AFG2A: variants seen among roughly 807,000 people sequenced by gnomAD.
The protein encoded by AFG2A is AAA ATPase AFG2A.
At chr4:123,124,075 T>G in the AFG2A span, among the ~76,000 whole-genome samples, 2 of 151,540 alleles carry the variant, frequency 1.3e-5, no homozygotes, top group East Asian at 3.9e-4. Context: ...TGGAAGACAG[T>G]GTGGCAATTC....
At chr4:123,251,330 T>A in the AFG2A span, among the ~76,000 whole-genome samples, 1 of 152,174 alleles carries the variant, frequency 6.6e-6, no homozygotes, top group Non-Finnish European at 1.5e-5. Flanking sequence ...TAGTAGATGC[T>A]TAATAATTTT....
At chr4:123,068,121 G>C in the AFG2A span, among the ~76,000 whole-genome samples, 1 of 152,142 alleles carries the variant, frequency 6.6e-6, no homozygotes, top group Admixed American at 6.5e-5. Flanking sequence ...ATGTCTAGCA[G>C]ATAATAAAGT....
chr4:123,157,034 G>A, the AFG2A span, among the ~76,000 whole-genome samples: 1 of 149,044 alleles, frequency 6.7e-6, no homozygotes, highest in Non-Finnish European at 1.5e-5. Context: ...TTTCTTTTTT[G>A]AGACAGAGTC....
the AFG2A span, among the ~76,000 whole-genome samples, chr4:123,291,359 C>G: frequency 2.6e-5 from 4 of 152,094 alleles, no homozygotes; most frequent in Admixed American, 2.6e-4. Flanking sequence ...TTCTAATGAT[C>G]ATTTTGATTG....
At chr4:123,189,480 T>A in the AFG2A span, among the ~76,000 whole-genome samples, 940 of 151,416 alleles carry the variant, frequency 6.2e-3, 11 homozygotes, top group African/African-American at 0.021. Context: ...CTCTTCCAAC[T>A]TAGTTGAAAC....
chr4:123,263,960 A>T, the AFG2A span, among the ~76,000 whole-genome samples: 1 of 152,216 alleles, frequency 6.6e-6, no homozygotes, highest in Non-Finnish European at 1.5e-5. Context: ...AACCAGCCCA[A>T]ATGCCCATCA....
At chr4:123,204,989 A>G in the AFG2A span, among the ~76,000 whole-genome samples, 1 of 152,340 alleles carries the variant, frequency 6.6e-6, no homozygotes, top group African/African-American at 2.4e-5. Context: ...GAGAGTGGGT[A>G]GTTAAATATT....
chr4:123,130,169 A>G, the AFG2A span, among the ~76,000 whole-genome samples: 1 of 114,282 alleles, frequency 8.8e-6, no homozygotes, highest in East Asian at 3.8e-4. Flanking sequence ...CACAGTTCCC[A>G]GCTAATATAT....
chr4:123,313,940 A>T, the AFG2A span: 3 of 1,612,384 alleles, frequency 1.9e-6, no homozygotes, highest in Non-Finnish European at 2.5e-6. Flanking sequence ...GAAGACATTC[A>T]AGCCAATCTC....
chr4:122,933,505 A>G, the AFG2A span: 4 of 1,606,064 alleles, frequency 2.5e-6, no homozygotes, highest in Non-Finnish European at 3.4e-6. Context: ...TAGGTGAGAC[A>G]AATATTTTAA....
At chr4:123,277,257 C>T in the AFG2A span, among the ~76,000 whole-genome samples, 1 of 152,108 alleles carries the variant, frequency 6.6e-6, no homozygotes, top group African/African-American at 2.4e-5. Flanking sequence ...AGTGGGATTG[C>T]ATTCCAGATT....
At chr4:123,115,561 C>T in the AFG2A span, among the ~76,000 whole-genome samples, 4 of 152,128 alleles carry the variant, frequency 2.6e-5, no homozygotes, top group Non-Finnish European at 4.4e-5. Context: ...CCTTGAGACC[C>T]CTCCATGCCA....
At chr4:123,258,070 T>G in the AFG2A span, among the ~76,000 whole-genome samples, 6 of 152,234 alleles carry the variant, frequency 3.9e-5, no homozygotes, top group Admixed American at 3.9e-4. Flanking sequence ...AAATTCTATC[T>G]TTCCTCAAAT....
At chr4:123,098,830 G>A in the AFG2A span, among the ~76,000 whole-genome samples, 1 of 152,120 alleles carries the variant, frequency 6.6e-6, no homozygotes, top group East Asian at 1.9e-4. Flanking sequence ...TGAACATGGA[G>A]TGCAGATGTC....
At chr4:123,075,104 C>T in the AFG2A span, among the ~76,000 whole-genome samples, 30 of 150,030 alleles carry the variant, frequency 2.0e-4, no homozygotes, top group African/African-American at 3.4e-4. Context: ...CCACCATGCC[C>T]GGCTAATTTT....
the AFG2A span, among the ~76,000 whole-genome samples, chr4:123,118,352 A>ATT: frequency 1.0e-3 from 50 of 49,862 alleles, no homozygotes; most frequent in East Asian, 0.038. Flanking sequence ...TATTATATAT[A>ATT]TTATATATAT....
chr4:123,089,114 G>T, the AFG2A span, among the ~76,000 whole-genome samples: 3 of 152,148 alleles, frequency 2.0e-5, no homozygotes, highest in Non-Finnish European at 4.4e-5. Flanking sequence ...GTTGTGATTT[G>T]TATGACAACC....
chr4:123,232,382 C>T, the AFG2A span, among the ~76,000 whole-genome samples: 1 of 151,974 alleles, frequency 6.6e-6, no homozygotes. Flanking sequence ...TGTGGAGTGT[C>T]AGAAGCCAAA....
the AFG2A span, among the ~76,000 whole-genome samples, chr4:123,136,842 C>CAA: frequency 9.1e-6 from 1 of 110,488 alleles, no homozygotes. Context: ...AACTCCATCT[C>CAA]AAAAAAAAAA....
Sources: allele counts gnomAD v4.1 joint callset (sites outside exome capture counted in the v4.1 genomes callset), GRCh38; gene constraint gnomAD v4.1.1; transcripts MANE v1.5; gene names NCBI Gene and HGNC (gene_info 2026-07-23, HGNC 2026-07-21).